TRAF3: variants seen among roughly 807,000 people sequenced by gnomAD.
TRAF3 encodes the protein TNF receptor associated factor 3.
Under a neutral mutation model 62.3 loss-of-function variants are expected in TRAF3, and 13 were observed. That is an observed-to-expected ratio of 0.21 (90% CI 0.14 to 0.33). The LOEUF is 0.33. TRAF3 is among the 10% of genes least tolerant of loss of function. The probability of loss-of-function intolerance (pLI) is 1.00; values close to 1 mark genes in which losing one functional copy is unlikely to be tolerated. For synonymous variants in TRAF3, 269 were observed against 283.4 expected, an observed-to-expected ratio of 0.95 and a Z score of 0.51; for missense variants, 440 against 741.8, an observed-to-expected ratio of 0.59 and a Z score of 4.73.
At chr14:102,891,733 A>C (rs72704731) in intron 9 of TRAF3, among the ~76,000 whole-genome samples, 35,495 of 151,492 alleles carry the variant, frequency 0.23, 4,610 homozygotes, top group East Asian at 0.39. Context: ...ACAAAGTTTT[A>C]TTGGAAGACA....
At chr14:102,802,269 C>A (rs2139466513) in intron 1 of TRAF3, among the ~76,000 whole-genome samples, 1 of 146,370 alleles carries the variant, frequency 6.8e-6, no homozygotes, top group East Asian at 2.2e-4. Context: ...ATTCTCCTGC[C>A]TCAGCCTCCC....
In TRAF3 at chr14:102,903,938, CAG is replaced by C. The variant is rs775699940; in HGVS notation, c.1135+511_1135+512del. On this transcript the variant is annotated intron_variant, in intron 11 of 11. Coordinates refer to ENST00000392745, the MANE Select transcript of TRAF3 (RefSeq NM_145725.3). The surrounding 1 kb of genome is among the most constrained non-coding windows in gnomAD (Gnocchi z 6.4). ...GGAGGATTAATGGCAGAAAGGAACA[CAG>C]ATTACCGGTGTGTGTGTGGGGCCGG... 1.0e-5 allele frequency: 4 copies of C among 392,842 alleles called. No individual in the cohort carries two copies. Among genetic ancestry groups the C allele is most frequent in the Non-Finnish European group, 2.1e-5 (4 of 193,440 alleles). 24.3% of individuals were successfully genotyped at this position (392,842 alleles called of 1,614,324 possible).
In TRAF3 at chr14:102,889,481, A is replaced by T. The variant is rs1162474455; in HGVS notation, c.652-79A>T. On this transcript the variant is annotated intron_variant, in intron 7 of 11. Transcript: ENST00000392745. ...CACCATTCTTAATAGTACAGCTCAG[A>T]TGCTATCTGTGCCCTAATATGTTTG... 2.1e-6 allele frequency: 3 copies of T among 1,404,088 alleles called. 1 individual carries two copies. In the South Asian group the frequency reaches 3.5e-5, roughly 16 times the overall value. 87.0% of individuals were successfully genotyped at this position (1,404,088 alleles called of 1,614,324 possible).
intron 2 of TRAF3, among the ~76,000 whole-genome samples, chr14:102,840,397 A>G (rs781571512): frequency 8.6e-5 from 13 of 151,812 alleles, no homozygotes; most frequent in Non-Finnish European, 1.5e-4. Flanking sequence ...CGTCTGGATA[A>G]TTTTTTATTT....
rs546716158 is a variant in TRAF3 at position 102,893,173 on chromosome 14, G to A, written c.819+1756G>A. Reference sequence around the variant, plus strand: ...GGAGGCCGAGGCTGAGGCTGAGGTCGGGAGTTCAAGACCAAGCTGGCCAAC... The same window carrying A: ...GGAGGCCGAGGCTGAGGCTGAGGTCAGGAGTTCAAGACCAAGCTGGCCAAC... On this transcript the variant is annotated intron_variant, in intron 9 of 11. Transcript: ENST00000392745. 5.3e-5 allele frequency among the ~76,000 whole-genome samples: 8 copies of A among 151,870 alleles called. No individual in the cohort carries two copies. The East Asian group carries it at 9.7e-4, about 18-fold the overall frequency.
intron 1 of TRAF3, among the ~76,000 whole-genome samples, chr14:102,787,521 A>G (rs1234960778): frequency 6.9e-6 from 1 of 144,418 alleles, no homozygotes; most frequent in Non-Finnish European, 1.5e-5. Flanking sequence ...TACTAAACCA[A>G]AAAAAAAAAA....
rs370269620 is a variant in TRAF3 at position 102,891,680 on chromosome 14, T to G, written c.819+263T>G. Reference sequence around the variant, plus strand: ...TTTTAGCATCCATCCAGCACAGAGATGATCAGATGCCCAGTCCCCACCCTG... The same window carrying G: ...TTTTAGCATCCATCCAGCACAGAGAGGATCAGATGCCCAGTCCCCACCCTG... On this transcript the variant is annotated intron_variant, in intron 9 of 11. Coordinates refer to ENST00000392745, the MANE Select transcript of TRAF3 (RefSeq NM_145725.3). 8.5e-5 allele frequency among the ~76,000 whole-genome samples: 13 copies of G among 152,314 alleles called. No homozygotes were observed. The East Asian group carries it at 1.9e-3, about 23-fold the overall frequency.
intron 2 of TRAF3, among the ~76,000 whole-genome samples, chr14:102,838,860 A>C (rs1202308331): frequency 6.6e-6 from 1 of 152,196 alleles, no homozygotes; most frequent in Non-Finnish European, 1.5e-5. Flanking sequence ...TGAGTTCTAG[A>C]CAATTTCTTC....
chr14:102,834,946 G>A (rs1171839432), intron 2 of TRAF3, among the ~76,000 whole-genome samples: 4 of 151,968 alleles, frequency 2.6e-5, no homozygotes, highest in Non-Finnish European at 5.9e-5. Flanking sequence ...AGAAATTATC[G>A]ACAGAGTAAA....
rs1048784323 is a variant in TRAF3 at position 102,830,318 on chromosome 14, T to A, written c.-156-16T>A. The A allele has an allele frequency of 6.6e-6, 1 of 152,396 alleles. No individual in the cohort carries two copies. The highest frequency in any genetic ancestry group is 1.5e-5 in the Non-Finnish European group (1 of 68,224). 9.4% of individuals were successfully genotyped at this position (152,396 alleles called of 1,614,324 possible). On this transcript the variant is annotated splice_polypyrimidine_tract_variant and intron_variant, in intron 1 of 11. Coordinates refer to ENST00000392745, the MANE Select transcript of TRAF3 (RefSeq NM_145725.3). Reference sequence around the variant, plus strand: ...AGTTAAGAATCTTTGTCTAATCCAATCCCTTTATTTTACAGATGAGGAAAA... The same window carrying A: ...AGTTAAGAATCTTTGTCTAATCCAAACCCTTTATTTTACAGATGAGGAAAA...
intron 1 of TRAF3, among the ~76,000 whole-genome samples, chr14:102,807,304 C>T (rs1898830929): frequency 6.6e-6 from 1 of 152,180 alleles, no homozygotes; most frequent in Admixed American, 6.5e-5. Context: ...TCATTGTTCC[C>T]CCTGGACACT....
At chr14:102,812,770 T>A (rs1899271017) in intron 1 of TRAF3, among the ~76,000 whole-genome samples, 1 of 150,536 alleles carries the variant, frequency 6.6e-6, no homozygotes, top group Non-Finnish European at 1.5e-5. Context: ...ATACGAAAAA[T>A]TAGCCGGGCA....
At chr14:102,837,978 A>C (rs1886129040) in intron 2 of TRAF3, among the ~76,000 whole-genome samples, 1 of 152,218 alleles carries the variant, frequency 6.6e-6, no homozygotes, top group Non-Finnish European at 1.5e-5. Flanking sequence ...AATCTGATTT[A>C]ACAGCATAAC....
chr14:102,784,995 G>T (rs1459815625), intron 1 of TRAF3, among the ~76,000 whole-genome samples: 2 of 152,162 alleles, frequency 1.3e-5, no homozygotes, highest in East Asian at 3.8e-4. Flanking sequence ...AACTTCTGAG[G>T]CAGGAATTCT....
chr14:102,881,201 T>C (rs1889036149), intron 6 of TRAF3, among the ~76,000 whole-genome samples: 1 of 152,006 alleles, frequency 6.6e-6, no homozygotes, highest in South Asian at 2.1e-4. Flanking sequence ...CTGGCCAACA[T>C]GGTAAAACCC....
At chr14:102,836,083 T>C (rs953718450) in intron 2 of TRAF3, among the ~76,000 whole-genome samples, 2 of 152,168 alleles carry the variant, frequency 1.3e-5, no homozygotes, top group Non-Finnish European at 2.9e-5. Flanking sequence ...CTACATGATA[T>C]ATACATTTGG....
At chr14:102,831,713 A>C (rs1900699011) in intron 2 of TRAF3, among the ~76,000 whole-genome samples, 1 of 152,038 alleles carries the variant, frequency 6.6e-6, no homozygotes, top group Non-Finnish European at 1.5e-5. Flanking sequence ...TAGAACTTTA[A>C]TTCAAAACCC....
At chr14:102,879,972 C>T (rs532087300) in intron 6 of TRAF3, among the ~76,000 whole-genome samples, 15 of 152,006 alleles carry the variant, frequency 9.9e-5, no homozygotes, top group East Asian at 5.8e-4. Context: ...AAAATTTAGC[C>T]GGGTGTGCTG....
At chr14:102,837,177 T>C (rs11847989) in intron 2 of TRAF3, among the ~76,000 whole-genome samples, 43,261 of 150,374 alleles carry the variant, frequency 0.29, 7,194 homozygotes, top group African/African-American at 0.43. Flanking sequence ...CTTGCTCTGT[T>C]GCCCAGGCTG....
Sources: allele counts gnomAD v4.1 joint callset (sites outside exome capture counted in the v4.1 genomes callset), GRCh38; gene constraint gnomAD v4.1.1; non-coding constraint Gnocchi (gnomAD v3.1); transcripts MANE v1.5; gene names NCBI Gene and HGNC (gene_info 2026-07-23, HGNC 2026-07-21).